The following NUDCD3 variants were observed in gnomAD, a reference collection of about 807,000 sequenced individuals.
The protein encoded by NUDCD3 is nudC domain-containing protein 3.
In NUDCD3, 13 loss-of-function variants were observed where a neutral mutation model predicts 39.7. The ratio of observed to expected loss-of-function variants is 0.33; its 90% CI spans 0.21 to 0.52. The LOEUF is 0.52. Ranked by LOEUF, NUDCD3 falls within the 20% of genes least tolerant of loss-of-function variation. The probability of loss-of-function intolerance (pLI) is 0.96; values close to 1 mark genes in which losing one functional copy is unlikely to be tolerated. For missense variants in NUDCD3, 453 were observed against 458.1 expected, an observed-to-expected ratio of 0.99 and a Z score of 0.10; for synonymous variants, 175 against 172.4, an observed-to-expected ratio of 1.02 and a Z score of -0.12.
At chr7:44,431,273 C>A (rs753592734) in intron 2 of NUDCD3, among the ~76,000 whole-genome samples, 6 of 152,124 alleles carry the variant, frequency 3.9e-5, no homozygotes, top group Non-Finnish European at 4.4e-5. Flanking sequence ...AGTGAGTCAG[C>A]AGTCAGGTTG....
At chr7:44,423,499 T>C (rs1236790733) in intron 3 of NUDCD3, among the ~76,000 whole-genome samples, 1 of 152,064 alleles carries the variant, frequency 6.6e-6, no homozygotes, top group Non-Finnish European at 1.5e-5. Context: ...ATACCAATAA[T>C]AGACAAGCAG....
chr7:44,425,231 G>A (rs1799211673), intron 3 of NUDCD3, among the ~76,000 whole-genome samples: 1 of 152,080 alleles, frequency 6.6e-6, no homozygotes, highest in East Asian at 1.9e-4. Flanking sequence ...GATAGGCACA[G>A]CAAACCACCA....
chr7:44,397,557 T>C (rs1255121939), intron 4 of NUDCD3, among the ~76,000 whole-genome samples: 2 of 152,174 alleles, frequency 1.3e-5, no homozygotes, highest in Non-Finnish European at 2.9e-5. Context: ...ATTCCCCTAA[T>C]GAATCATGAC....
intron 2 of NUDCD3, among the ~76,000 whole-genome samples, chr7:44,453,849 G>A (rs954128107): frequency 6.6e-6 from 1 of 151,966 alleles, no homozygotes. Context: ...TTCAAGACCA[G>A]CCTGAGCAAC....
chr7:44,407,641 TA>T (rs910541156), intron 3 of NUDCD3, among the ~76,000 whole-genome samples: 52 of 148,436 alleles, frequency 3.5e-4, no homozygotes, highest in Non-Finnish European at 4.2e-4. Flanking sequence ...GAAAACAAGT[TA>T]AAAAAAAATA....
chr7:44,389,101 C>A (rs1338987332), intron 5 of NUDCD3, among the ~76,000 whole-genome samples: 2 of 152,256 alleles, frequency 1.3e-5, no homozygotes, highest in African/African-American at 4.8e-5. Flanking sequence ...AACAGGATGA[C>A]CCCACTGAAT....
intron 2 of NUDCD3, among the ~76,000 whole-genome samples, chr7:44,473,623 TATAAA>T (rs1322428417): frequency 6.6e-6 from 1 of 152,174 alleles, no homozygotes; most frequent in Non-Finnish European, 1.5e-5. Context: ...TATACATACA[TATAAA>T]ATATTAAAAT....
chr7:44,469,258 T>C (rs1384923619), intron 2 of NUDCD3, among the ~76,000 whole-genome samples: 3 of 152,090 alleles, frequency 2.0e-5, no homozygotes, highest in Admixed American at 2.0e-4. Context: ...TGTCTGCTTT[T>C]CTCAGCCCTT....
chr7:44,412,946 A>G (rs1036547011), intron 3 of NUDCD3, among the ~76,000 whole-genome samples: 2 of 150,888 alleles, frequency 1.3e-5, no homozygotes, highest in Non-Finnish European at 2.9e-5. Flanking sequence ...AAAAAAAGAA[A>G]AAAAAAAAGA....
chr7:44,489,293 T>C (rs982668783), intron 1 of NUDCD3, among the ~76,000 whole-genome samples: 2 of 152,228 alleles, frequency 1.3e-5, no homozygotes, highest in Admixed American at 6.5e-5. Flanking sequence ...ATGGCACTTA[T>C]GCCACTGACA....
chr7:44,487,281 C>G (rs1055118552), intron 1 of NUDCD3, among the ~76,000 whole-genome samples: 1 of 152,066 alleles, frequency 6.6e-6, no homozygotes, highest in African/African-American at 2.4e-5. Flanking sequence ...AACTCTACAC[C>G]AACACTGTAC....
chr7:44,457,253 G>T (rs957036646), intron 2 of NUDCD3, among the ~76,000 whole-genome samples: 5 of 152,202 alleles, frequency 3.3e-5, no homozygotes, highest in Non-Finnish European at 5.9e-5. Context: ...TTTCCCCGAT[G>T]AATGGAATAA....
intron 2 of NUDCD3, among the ~76,000 whole-genome samples, chr7:44,456,882 T>C (rs1298948569): frequency 1.3e-5 from 2 of 152,132 alleles, no homozygotes; most frequent in Admixed American, 6.5e-5. Context: ...AACATAAAGA[T>C]AGAAAAAAAG....
intron 4 of NUDCD3, among the ~76,000 whole-genome samples, chr7:44,399,849 C>G (rs181749149): frequency 6.6e-6 from 1 of 152,140 alleles, no homozygotes; most frequent in Non-Finnish European, 1.5e-5. Context: ...AAATCATAAA[C>G]AAATATATTA....
chr7:44,427,326 A>G (rs966333688), intron 3 of NUDCD3, among the ~76,000 whole-genome samples: 1 of 152,220 alleles, frequency 6.6e-6, no homozygotes, highest in Non-Finnish European at 1.5e-5. Context: ...TCTCTCAGGA[A>G]GCAGTGTGAA....
intron 2 of NUDCD3, among the ~76,000 whole-genome samples, chr7:44,430,251 G>A (rs931752435): frequency 1.3e-5 from 2 of 152,156 alleles, no homozygotes; most frequent in Non-Finnish European, 2.9e-5. Flanking sequence ...GCGGTCCCAC[G>A]GCCACGGCAG....
chr7:44,438,624 C>A (rs936534707), intron 2 of NUDCD3, among the ~76,000 whole-genome samples: 2 of 137,976 alleles, frequency 1.4e-5, no homozygotes, highest in Non-Finnish European at 3.1e-5. Flanking sequence ...ATACCCAGTG[C>A]TAATCCACAC....
At chr7:44,456,880 G>A (rs1799914047) in intron 2 of NUDCD3, among the ~76,000 whole-genome samples, 1 of 151,896 alleles carries the variant, frequency 6.6e-6, no homozygotes, top group Admixed American at 6.6e-5. Flanking sequence ...CAAACATAAA[G>A]ATAGAAAAAA....
At chr7:44,465,194 T>C (rs186184144) in intron 2 of NUDCD3, among the ~76,000 whole-genome samples, 1 of 152,324 alleles carries the variant, frequency 6.6e-6, no homozygotes. Flanking sequence ...ATTTTCTAAT[T>C]TTCCTCTATA....
Sources: gnomAD v4.1 joint callset for allele counts (sites outside exome capture counted in the v4.1 genomes callset) on GRCh38, gnomAD v4.1.1 for gene constraint, MANE v1.5 for transcripts, NCBI Gene and HGNC (gene_info 2026-07-23, HGNC 2026-07-21) for gene names.